Variants in SYTL2 observed in about 807,000 individuals in gnomAD.
SYTL2 encodes the protein synaptotagmin like 2, also known as synaptotagmin-like protein 2.
Under a neutral mutation model 198.7 loss-of-function variants are expected in SYTL2, and 165 were observed. That is an observed-to-expected ratio of 0.83 (90% confidence interval 0.73 to 0.94). The LOEUF (loss-of-function observed/expected upper bound fraction) is 0.94, where lower values mean the gene tolerates loss of function less well. SYTL2 is among the 40% of genes least tolerant of loss of function. The pLI, the probability that SYTL2 is intolerant of heterozygous loss-of-function variation, is 0.00. For missense variants in SYTL2, 2,835 were observed against 2,582.8 expected (o/e 1.10, Z -2.12); for synonymous variants, 966 against 917.7 (o/e 1.05, Z -0.95).
At chr11:85,774,668 G>C (rs150669692) in intron 1 of SYTL2, among the ~76,000 whole-genome samples, 168 of 152,306 alleles carry the variant, frequency 1.1e-3, no homozygotes, top group African/African-American at 3.9e-3. Flanking sequence ...TCAAAGTGTG[G>C]AGAGCAAGCA....
the SYTL2 span, among the ~76,000 whole-genome samples, chr11:85,833,035 GAAA>G: frequency 1.1e-4 from 2 of 18,994 alleles, no homozygotes; most frequent in Non-Finnish European, 1.9e-4. Context: ...AAGAAAGAAA[GAAA>G]GAAAGAAAGA....
chr11:85,724,372 AG>A lies in SYTL2; in HGVS notation c.4985del (p.Pro1662LeufsTer12), dbSNP rs1276615331. 3 of 1,592,742 alleles carry A rather than the reference AG, an allele frequency of 1.9e-6. No homozygotes were observed. The African/African-American group carries it at 4.0e-5, about 21-fold the overall frequency. Reference protein sequence around the residue: ...FCGSRSGVEIPRTPQLYVAHE... With the variant: ...FCGSRSGVEIXRTPQLYVAHE... ...GAGCCACATAAAGTTGTGGGGTTCT[AG>A]GGATCTCAACTCCACTTCTGGAACC... On this transcript the variant is annotated frameshift_variant, in exon 8 of 20. Coordinates refer to ENST00000359152, the MANE Select transcript of SYTL2 (RefSeq NM_206927.4). LOFTEE classifies it high-confidence loss of function.
chr11:85,697,085 T>C (rs1235115157), intron 18 of SYTL2, among the ~76,000 whole-genome samples: 1 of 152,206 alleles, frequency 6.6e-6, no homozygotes, highest in Non-Finnish European at 1.5e-5. Flanking sequence ...ACTGACTGAC[T>C]TGGTCTTAGA....
At chr11:85,799,750 C>A (rs2092857057) in intron 1 of SYTL2, among the ~76,000 whole-genome samples, 2 of 152,182 alleles carry the variant, frequency 1.3e-5, no homozygotes, top group Non-Finnish European at 2.9e-5. Context: ...TCTTACCACC[C>A]CACCTCCTTC....
chr11:85,772,767 A>G (rs1190817952), intron 1 of SYTL2, among the ~76,000 whole-genome samples: 1 of 152,222 alleles, frequency 6.6e-6, no homozygotes, highest in Non-Finnish European at 1.5e-5. Flanking sequence ...AACCCTAATG[A>G]GCAAATTTCA....
At chr11:85,788,571 TGA>T (rs1401391922) in intron 1 of SYTL2, among the ~76,000 whole-genome samples, 1 of 152,150 alleles carries the variant, frequency 6.6e-6, no homozygotes, top group Admixed American at 6.5e-5. Context: ...CCTTTAATAA[TGA>T]GTGTGGAAAT....
Position 85,724,867 on chromosome 11 carries a change from G to A in SYTL2, c.4491C>T (p.Phe1497=). The change falls in exon 8 of 20, where the codon TTC becomes TTT. Residue 1497 remains phenylalanine (F), a synonymous_variant. Transcript: ENST00000359152. ...IVQPKSEFLE[F]SAGLEKLLKE... is the part of the protein sequence containing the mutation. ...TCAGTAGTTTTTCTAAGCCAGCACT[G>A]AATTCGAGGAACTCTGATTTGGGTT... 1 of 1,614,036 alleles carries A rather than the reference G, an allele frequency of 6.2e-7. No individual in the cohort carries two copies. Among genetic ancestry groups the A allele is most frequent in the Non-Finnish European group, 8.5e-7 (1 of 1,179,988 alleles).
the SYTL2 span, among the ~76,000 whole-genome samples, chr11:85,836,358 T>C: frequency 0.047 from 7,209 of 152,160 alleles, 284 homozygotes; most frequent in South Asian, 0.093. Context: ...AACCCCACCA[T>C]ACACGTATAC....
chr11:85,715,507 T>C (rs1036862602), intron 11 of SYTL2, among the ~76,000 whole-genome samples: 2 of 152,098 alleles, frequency 1.3e-5, no homozygotes, highest in Admixed American at 6.5e-5. Flanking sequence ...TAGGTAAAAA[T>C]CAAATTATAT....
chr11:85,721,023 A>C, intron 8 of SYTL2, 64 bp from the exon 9 acceptor site: 1 of 946,744 alleles, frequency 1.1e-6, no homozygotes, highest in Non-Finnish European at 1.7e-6. Flanking sequence ...CCTCTAACAT[A>C]TGGACATAGA....
intron 4 of SYTL2, among the ~76,000 whole-genome samples, chr11:85,743,555 T>C (rs2153515747): frequency 1.3e-5 from 2 of 152,136 alleles, no homozygotes; most frequent in Admixed American, 1.3e-4. Context: ...TCTCACAATG[T>C]CCTGGTGAGG....
the SYTL2 span, among the ~76,000 whole-genome samples, chr11:85,850,546 G>A: frequency 6.6e-6 from 1 of 151,286 alleles, no homozygotes; most frequent in African/African-American, 2.4e-5. Flanking sequence ...GAGAGGATGT[G>A]GAGAAATAGG....
At chr11:85,773,665 T>C (rs1382771015) in intron 1 of SYTL2, among the ~76,000 whole-genome samples, 1 of 152,224 alleles carries the variant, frequency 6.6e-6, no homozygotes, top group Non-Finnish European at 1.5e-5. Flanking sequence ...CACTCCATGT[T>C]TGGTGATATT....
intron 1 of SYTL2, among the ~76,000 whole-genome samples, chr11:85,796,681 C>A (rs1477629015): frequency 6.6e-6 from 1 of 152,146 alleles, no homozygotes; most frequent in Non-Finnish European, 1.5e-5. Context: ...ATCCAAATCC[C>A]AAATGCAGCT....
At chr11:85,728,780 C>A (rs1269736141) in intron 7 of SYTL2, among the ~76,000 whole-genome samples, 1 of 152,052 alleles carries the variant, frequency 6.6e-6, no homozygotes, top group Non-Finnish European at 1.5e-5. Context: ...AAATAACTTT[C>A]AAATAAGACT....
At position 85,737,772 on chromosome 11, in the gene SYTL2, TAAG is replaced by T. The variant is rs974922547; in HGVS notation, c.390-119_390-117del. ...AGGAGAGGAAGCTGGTGCAGAAGAA[TAAG>T]AAGGATTCTCTAGAGAATTATTCCC... On this transcript the variant is annotated intron_variant, in intron 4 of 19. Transcript: ENST00000359152. 14 of 781,818 alleles carry T rather than the reference TAAG, an allele frequency of 1.8e-5. No homozygotes were observed. The Admixed American group carries it at 2.5e-4, about 14-fold the overall frequency. The allele number at this position is 781,818 out of a possible 1,614,324, so 48.4% of individuals were successfully genotyped here.
intron 4 of SYTL2, 83 bp from the exon 5 acceptor site, chr11:85,737,739 A>C: frequency 8.7e-7 from 1 of 1,155,266 alleles, no homozygotes; most frequent in Non-Finnish European, 1.3e-6. Flanking sequence ...GAAAGCTATC[A>C]GCAGGCTAGG....
intron 1 of SYTL2, among the ~76,000 whole-genome samples, chr11:85,807,857 T>C (rs530593018): frequency 1.3e-5 from 2 of 152,268 alleles, no homozygotes; most frequent in East Asian, 3.9e-4. Flanking sequence ...TTAACCTTCA[T>C]GATGCTTTTA....
chr11:85,846,675 C>T, the SYTL2 span, among the ~76,000 whole-genome samples: 1 of 151,530 alleles, frequency 6.6e-6, no homozygotes, highest in Non-Finnish European at 1.5e-5. Flanking sequence ...GATCCACGCA[C>T]CTCAGCCTCC....
Sources: gnomAD v4.1 joint callset for allele counts (sites outside exome capture counted in the v4.1 genomes callset) on GRCh38, gnomAD v4.1.1 for gene constraint, MANE v1.5 for transcripts, NCBI Gene and HGNC (gene_info 2026-07-23, HGNC 2026-07-21) for gene names.